TBL1X: variants seen among roughly 807,000 people sequenced by gnomAD.
TBL1X encodes the protein transducin beta like 1 X-linked.
A neutral mutation model predicts 50.7 loss-of-function variants in TBL1X; 10 were observed. That is an observed-to-expected ratio of 0.20 (90% CI 0.12 to 0.33). The LOEUF is 0.33. Among genes scored for constraint, TBL1X ranks in the 10% least tolerant of loss-of-function variants. The probability of loss-of-function intolerance (pLI) is 1.00; values close to 1 mark genes in which losing one functional copy is unlikely to be tolerated. For missense variants in TBL1X, 340 were observed against 504.4 expected (o/e 0.67, Z 3.12); for synonymous variants, 190 against 214.7 (o/e 0.88, Z 1.01).
intron 2 of TBL1X, among the ~76,000 whole-genome samples, chrX:9,562,262 G>A (rs898555294): frequency 3.6e-5 from 4 of 112,346 alleles, no homozygotes; most frequent in Admixed American, 9.4e-5. Flanking sequence ...ATACTTTAAT[G>A]TATCATCTTT....
At chrX:9,638,293 G>A (rs182108046) in intron 2 of TBL1X, among the ~76,000 whole-genome samples, 1 of 111,992 alleles carries the variant, frequency 8.9e-6, no homozygotes, top group Admixed American at 9.4e-5. Flanking sequence ...TGTTAAAATC[G>A]TTTGTATTTC....
chrX:9,708,463 C>T (rs929076992), intron 13 of TBL1X, among the ~76,000 whole-genome samples: 1 of 111,882 alleles, frequency 8.9e-6, no homozygotes, highest in African/African-American at 3.3e-5. Flanking sequence ...CAGCCCTTAC[C>T]CCGCTTGAAC....
intron 5 of TBL1X, among the ~76,000 whole-genome samples, chrX:9,659,109 C>G (rs2082882176): frequency 8.9e-6 from 1 of 112,082 alleles, no homozygotes; most frequent in Admixed American, 9.4e-5. Context: ...CAGGCATGAG[C>G]CACTGCGTTA....
chrX:9,614,196 G>A (rs1370950733), intron 2 of TBL1X, among the ~76,000 whole-genome samples: 1 of 110,646 alleles, frequency 9.0e-6, no homozygotes, highest in African/African-American at 3.3e-5. Flanking sequence ...GAGTCAATCT[G>A]ATGATTTGTA....
intron 1 of TBL1X, 98 bp downstream of exon 1, chrX:9,465,545 G>C (rs1013933916): frequency 1.8e-5 from 2 of 111,845 alleles, no homozygotes; most frequent in East Asian, 2.9e-4. Flanking sequence ...CCGGCGGCTC[G>C]GGGCGCCCGA....
At chrX:9,663,436 T>C (rs1246140873) in intron 5 of TBL1X, among the ~76,000 whole-genome samples, 1 of 111,422 alleles carries the variant, frequency 9.0e-6, no homozygotes, top group Non-Finnish European at 1.9e-5. Flanking sequence ...CCCAGAGAAA[T>C]GTGCCGAGTA....
intron 2 of TBL1X, among the ~76,000 whole-genome samples, chrX:9,608,823 G>C (rs774125196): frequency 8.7e-4 from 98 of 112,227 alleles, no homozygotes; most frequent in African/African-American, 3.1e-3. Context: ...ACCCAGGTAG[G>C]CAGCTGAGGT....
chrX:9,526,354 C>A (rs775603861), intron 2 of TBL1X, among the ~76,000 whole-genome samples: 2 of 111,694 alleles, frequency 1.8e-5, no homozygotes, highest in Non-Finnish European at 3.8e-5. Context: ...ATAATCTTTT[C>A]TAGATGAAGC....
intron 2 of TBL1X, among the ~76,000 whole-genome samples, chrX:9,605,603 A>T (rs1013565173): frequency 1.8e-5 from 2 of 112,554 alleles, no homozygotes; most frequent in Admixed American, 1.9e-4. Flanking sequence ...TAGACATGGA[A>T]ATGCTTAGGT....
chrX:9,499,086 G>A (rs990725177), intron 1 of TBL1X, among the ~76,000 whole-genome samples: 14 of 111,833 alleles, frequency 1.3e-4, no homozygotes, highest in African/African-American at 4.6e-4. Flanking sequence ...ACAGGCTGTG[G>A]CTGAATAGTG....
At chrX:9,672,401 C>T (rs2082965317) in intron 5 of TBL1X, among the ~76,000 whole-genome samples, 2 of 111,967 alleles carry the variant, frequency 1.8e-5, no homozygotes, top group African/African-American at 3.3e-5. Flanking sequence ...TTCTTGCTTT[C>T]CAGACCGAAC....
chrX:9,689,043 C>T (rs913898553), intron 7 of TBL1X, among the ~76,000 whole-genome samples: 3 of 113,275 alleles, frequency 2.6e-5, no homozygotes, highest in Non-Finnish European at 5.6e-5. Context: ...TGCGTGCACG[C>T]GTATATGCGT....
chrX:9,582,529 A>T lies in TBL1X; in HGVS notation c.-130-57744A>T, dbSNP rs752007265. On this transcript the variant is annotated intron_variant, in intron 2 of 17. Coordinates refer to ENST00000645353, the MANE Select transcript of TBL1X (RefSeq NM_005647.4). ...TTTGTCTGATCAAGTATATAGGGAG[A>T]TGAGATTAAGAATTAAGATTTGTTT... Among the ~76,000 whole-genome samples, 8 of 112,370 alleles carry T rather than the reference A, an allele frequency of 7.1e-5. No homozygotes were observed. The South Asian group carries it at 1.8e-3, about 26-fold the overall frequency.
chrX:9,510,792 G>A (rs1347148419), intron 2 of TBL1X, among the ~76,000 whole-genome samples: 2 of 112,049 alleles, frequency 1.8e-5, no homozygotes, highest in Non-Finnish European at 3.8e-5. Context: ...AAAGAGGAGG[G>A]AATTCTACCA....
intron 2 of TBL1X, among the ~76,000 whole-genome samples, chrX:9,526,915 G>T (rs757681073): frequency 4.7e-4 from 53 of 111,727 alleles, no homozygotes; most frequent in African/African-American, 1.6e-3. Context: ...ACACACCAAA[G>T]GGGGGAGTCA....
chrX:9,692,842 G>A (rs1342468077), intron 9 of TBL1X, among the ~76,000 whole-genome samples: 10 of 112,565 alleles, frequency 8.9e-5, no homozygotes. Flanking sequence ...AGGTAGGCTG[G>A]GAGCCCCAAG....
At chrX:9,610,265 T>G (rs1050237204) in intron 2 of TBL1X, among the ~76,000 whole-genome samples, 5 of 112,647 alleles carry the variant, frequency 4.4e-5, no homozygotes, top group South Asian at 3.7e-4. Context: ...CTCTCCTGTT[T>G]CCTGGTGTGC....
At chrX:9,485,048 A>G (rs920921466) in intron 1 of TBL1X, among the ~76,000 whole-genome samples, 3 of 110,877 alleles carry the variant, frequency 2.7e-5, no homozygotes, top group African/African-American at 9.9e-5. Flanking sequence ...TGATTGTGCC[A>G]CTGCACTCCA....
At chrX:9,533,233 G>T (rs1220463040) in intron 2 of TBL1X, among the ~76,000 whole-genome samples, 1 of 111,714 alleles carries the variant, frequency 9.0e-6, no homozygotes, top group Admixed American at 9.5e-5. Flanking sequence ...CCATAATTCA[G>T]CCCATAGACG....
Sources: allele counts gnomAD v4.1 joint callset (sites outside exome capture counted in the v4.1 genomes callset), GRCh38; gene constraint gnomAD v4.1.1; transcripts MANE v1.5; gene names NCBI Gene and HGNC (gene_info 2026-07-23, HGNC 2026-07-21).